AGBL4: variants seen among roughly 807,000 people sequenced by gnomAD.
AGBL4 encodes cytosolic carboxypeptidase 6.
AGBL4 carries 58 observed loss-of-function variants against 66.4 expected under a neutral mutation model. The observed-to-expected ratio is 0.87, with a 90% CI of 0.71 to 1.09. The LOEUF is 1.09. Ranked by LOEUF, AGBL4 falls within the 50% of genes least tolerant of loss-of-function variation. The pLI is 0.00. For synonymous variants in AGBL4, 234 were observed against 222.9 expected (o/e 1.05, Z -0.44); for missense variants, 579 against 631.0 (o/e 0.92, Z 0.88).
intron 3 of AGBL4, among the ~76,000 whole-genome samples, chr1:49,658,557 A>G (rs953636184): frequency 2.0e-5 from 3 of 152,198 alleles, no homozygotes; most frequent in African/African-American, 7.2e-5. Flanking sequence ...ACACATGCAC[A>G]CATATGTTTA....
At chr1:49,944,410 G>C (rs1655034160) in intron 1 of AGBL4, among the ~76,000 whole-genome samples, 1 of 152,038 alleles carries the variant, frequency 6.6e-6, no homozygotes, top group Non-Finnish European at 1.5e-5. Flanking sequence ...ACAGCCCAAA[G>C]CCTGGTAGAC....
intron 1 of AGBL4, among the ~76,000 whole-genome samples, chr1:49,896,608 AAC>A (rs58132063): frequency 0.24 from 32,257 of 133,248 alleles, 4,173 homozygotes; most frequent in East Asian, 0.54. Flanking sequence ...GACCCATGAA[AAC>A]ACACACACAC....
At chr1:48,955,638 C>T (rs1464325277) in intron 5 of AGBL4, among the ~76,000 whole-genome samples, 1 of 152,228 alleles carries the variant, frequency 6.6e-6, no homozygotes, top group Non-Finnish European at 1.5e-5. Flanking sequence ...CCACCCGGGC[C>T]TCCAAAAGCA....
chr1:49,354,636 AG>A (rs1414308772), intron 3 of AGBL4, among the ~76,000 whole-genome samples: 1 of 152,216 alleles, frequency 6.6e-6, no homozygotes, highest in Non-Finnish European at 1.5e-5. Context: ...CATCTCTGAT[AG>A]GTTCTTCGAA....
At chr1:49,441,852 T>TA (rs1337812645) in intron 3 of AGBL4, among the ~76,000 whole-genome samples, 1 of 152,162 alleles carries the variant, frequency 6.6e-6, no homozygotes, top group Non-Finnish European at 1.5e-5. Context: ...CAGTCACCCC[T>TA]ATCATCACCC....
chr1:48,615,160 C>T (rs1485618914), intron 9 of AGBL4, among the ~76,000 whole-genome samples: 1 of 152,090 alleles, frequency 6.6e-6, no homozygotes, highest in African/African-American at 2.4e-5. Flanking sequence ...GCCAGAAGTC[C>T]TTCTGGGAGA....
chr1:49,729,020 T>C (rs1649234855), intron 2 of AGBL4, among the ~76,000 whole-genome samples: 1 of 152,112 alleles, frequency 6.6e-6, no homozygotes, highest in South Asian at 2.1e-4. Flanking sequence ...CCTCTCTCCA[T>C]ACAGAAAAGT....
chr1:49,833,061 C>G (rs1571669914), intron 2 of AGBL4, among the ~76,000 whole-genome samples: 1 of 152,016 alleles, frequency 6.6e-6, no homozygotes, highest in Admixed American at 6.6e-5. Context: ...GACATGAAGT[C>G]CTTGCCCGTG....
At chr1:48,682,521 G>A (rs988337270) in intron 6 of AGBL4, among the ~76,000 whole-genome samples, 2 of 151,370 alleles carry the variant, frequency 1.3e-5, no homozygotes, top group Non-Finnish European at 2.9e-5. Flanking sequence ...CAGTCCTCCT[G>A]CTTCAACCTC....
At chr1:49,308,650 T>G (rs538591108) in intron 3 of AGBL4, among the ~76,000 whole-genome samples, 1 of 152,322 alleles carries the variant, frequency 6.6e-6, no homozygotes, top group South Asian at 2.1e-4. Flanking sequence ...ACTATTTTTC[T>G]TCTTCTAACA....
intron 5 of AGBL4, among the ~76,000 whole-genome samples, chr1:48,934,968 C>T (rs544195070): frequency 6.6e-6 from 1 of 152,256 alleles, no homozygotes; most frequent in South Asian, 2.1e-4. Context: ...AGAAGTCAAA[C>T]TTCTACTTCA....
At chr1:49,951,366 G>C (rs1336171269) in intron 1 of AGBL4, among the ~76,000 whole-genome samples, 1 of 151,770 alleles carries the variant, frequency 6.6e-6, no homozygotes, top group South Asian at 2.1e-4. Context: ...ATGTGTGCCT[G>C]ATAACAAGAA....
chr1:49,610,990 G>C (rs1645144521), intron 3 of AGBL4, among the ~76,000 whole-genome samples: 1 of 152,188 alleles, frequency 6.6e-6, no homozygotes, highest in African/African-American at 2.4e-5. Context: ...CAGGGATAAG[G>C]AAGTACTGTA....
intron 5 of AGBL4, among the ~76,000 whole-genome samples, chr1:48,967,113 A>G (rs1190125543): frequency 6.6e-6 from 1 of 152,152 alleles, no homozygotes; most frequent in Non-Finnish European, 1.5e-5. Flanking sequence ...TCTAATAATT[A>G]GAATGTAATG....
intron 3 of AGBL4, among the ~76,000 whole-genome samples, chr1:49,275,677 CAT>C (rs764281362): frequency 6.6e-6 from 1 of 152,086 alleles, no homozygotes; most frequent in Non-Finnish European, 1.5e-5. Context: ...TAGCCTTGCC[CAT>C]AGTTTTTGAG....
chr1:49,782,622 C>A (rs189726314), intron 2 of AGBL4, among the ~76,000 whole-genome samples: 1 of 152,256 alleles, frequency 6.6e-6, no homozygotes, highest in Admixed American at 6.5e-5. Flanking sequence ...GTGTTGGAAA[C>A]TTAATAGCCA....
chr1:49,011,481 C>T (rs1204879892), intron 5 of AGBL4, among the ~76,000 whole-genome samples: 1 of 152,176 alleles, frequency 6.6e-6, no homozygotes, highest in Non-Finnish European at 1.5e-5. Context: ...GGCGATTCCT[C>T]AGGGATCTAG....
At chr1:49,929,674 G>T (rs1018525064) in intron 1 of AGBL4, among the ~76,000 whole-genome samples, 1 of 151,128 alleles carries the variant, frequency 6.6e-6, no homozygotes, top group Non-Finnish European at 1.5e-5. Context: ...AAAAAAAAAA[G>T]ATTCCAGCTG....
intron 6 of AGBL4, among the ~76,000 whole-genome samples, chr1:48,785,107 C>T (rs578220384): frequency 6.6e-6 from 1 of 152,296 alleles, no homozygotes; most frequent in Non-Finnish European, 1.5e-5. Flanking sequence ...CTCCCTGACT[C>T]ACTCCTTCCA....
Sources: allele counts gnomAD v4.1 joint callset (sites outside exome capture counted in the v4.1 genomes callset), GRCh38; gene constraint gnomAD v4.1.1; transcripts MANE v1.5; gene names NCBI Gene and HGNC (gene_info 2026-07-23, HGNC 2026-07-21).